The following CCBE1 variants were observed in gnomAD, a reference collection of about 807,000 sequenced individuals.
CCBE1 encodes the protein collagen and calcium binding EGF domains 1, also known as collagen and calcium-binding EGF domain-containing protein 1.
CCBE1 carries 37 observed loss-of-function variants against 50.0 expected under a neutral mutation model. That is an observed-to-expected ratio of 0.74 (90% CI 0.57 to 0.97). The LOEUF is 0.97. CCBE1 is among the 50% of genes least tolerant of loss of function. The pLI, the probability that CCBE1 is intolerant of heterozygous loss-of-function variation, is 0.00. For synonymous variants in CCBE1, 234 were observed against 203.7 expected (o/e 1.15, Z -1.27); for missense variants, 538 against 523.8 (o/e 1.03, Z -0.26).
intron 2 of CCBE1, among the ~76,000 whole-genome samples, chr18:59,549,244 G>C (rs1265933576): frequency 1.3e-5 from 2 of 152,132 alleles, no homozygotes; most frequent in African/African-American, 2.4e-5. Flanking sequence ...AAATATAGCA[G>C]TGTTCTAGAA....
At chr18:59,499,941 G>C (rs1185856811) in intron 2 of CCBE1, among the ~76,000 whole-genome samples, 2 of 152,154 alleles carry the variant, frequency 1.3e-5, no homozygotes, top group East Asian at 3.9e-4. Context: ...ATCTTCCTAG[G>C]GATTGGAGTT....
At chr18:59,543,539 CGAGAGGCCCCGAGAGGCCGG>C (rs1915551674) in intron 2 of CCBE1, among the ~76,000 whole-genome samples, 1 of 151,960 alleles carries the variant, frequency 6.6e-6, no homozygotes, top group Non-Finnish European at 1.5e-5. Context: ...CGAGAGGCCG[CGAGAGGCCCCGAGAGGCCGG>C]GCGCGGTGGC....
intron 4 of CCBE1, among the ~76,000 whole-genome samples, chr18:59,469,119 C>A (rs1363561520): frequency 1.3e-5 from 2 of 152,148 alleles, no homozygotes; most frequent in African/African-American, 4.8e-5. Flanking sequence ...CTTTTTTCCC[C>A]AACCATCTTC....
intron 2 of CCBE1, among the ~76,000 whole-genome samples, chr18:59,654,797 A>G (rs531183282): frequency 6.6e-6 from 1 of 151,278 alleles, no homozygotes; most frequent in East Asian, 2.0e-4. Flanking sequence ...TCTCCAAAAA[A>G]AAAAAAAAAA....
chr18:59,543,677 T>C (rs1163639918), intron 2 of CCBE1, among the ~76,000 whole-genome samples: 1 of 151,796 alleles, frequency 6.6e-6, no homozygotes, highest in Non-Finnish European at 1.5e-5. Flanking sequence ...CTACTAAAAA[T>C]ACAGAAAATT....
At chr18:59,623,937 G>T (rs1454130124) in intron 2 of CCBE1, among the ~76,000 whole-genome samples, 1 of 152,208 alleles carries the variant, frequency 6.6e-6, no homozygotes, top group African/African-American at 2.4e-5. Context: ...GAATTGTGTG[G>T]TTTTTATTAA....
Position 59,446,504 on chromosome 18 carries a change from C to A in CCBE1, c.775+1479G>T, listed in dbSNP as rs80142627. Among the ~76,000 whole-genome samples the A allele has an allele frequency of 3.2e-3, 491 of 152,288 alleles. 1 individual carries two copies. The highest frequency in any genetic ancestry group is 0.011 in the African/African-American group (469 of 41,556). On this transcript the variant is annotated intron_variant, in intron 7 of 10. Transcript: ENST00000439986. ...GAGTACCTCAGGCCAAGGGAATGAA[C>A]GAGGATAAGCCAAATCCTGAATCGT...
At chr18:59,625,323 C>T (rs942328345) in intron 2 of CCBE1, among the ~76,000 whole-genome samples, 9 of 149,754 alleles carry the variant, frequency 6.0e-5, no homozygotes, top group Admixed American at 4.0e-4. Flanking sequence ...CCCAGCTACT[C>T]GGGAGGCTGA....
chr18:59,522,716 G>A (rs536342053), intron 2 of CCBE1, among the ~76,000 whole-genome samples: 13 of 152,232 alleles, frequency 8.5e-5, no homozygotes, highest in East Asian at 1.9e-4. Context: ...TTGGCCGGGC[G>A]CAGTGGCTCA....
intron 2 of CCBE1, among the ~76,000 whole-genome samples, chr18:59,508,188 G>A (rs958077915): frequency 2.7e-5 from 4 of 149,930 alleles, no homozygotes; most frequent in Admixed American, 6.7e-5. Flanking sequence ...ACTGCGCCCC[G>A]CCGTTAATTA....
chr18:59,579,411 AAAAG>A (rs1215231258), intron 2 of CCBE1, among the ~76,000 whole-genome samples: 3 of 152,016 alleles, frequency 2.0e-5, no homozygotes, highest in Admixed American at 6.6e-5. Context: ...AAAAAAAAAA[AAAAG>A]ATTCCTACGT....
chr18:59,519,748 T>A (rs932388797), intron 2 of CCBE1, among the ~76,000 whole-genome samples: 1 of 152,252 alleles, frequency 6.6e-6, no homozygotes, highest in Non-Finnish European at 1.5e-5. Flanking sequence ...TATTTGCCCA[T>A]GCCTATGTTC....
intron 2 of CCBE1, among the ~76,000 whole-genome samples, chr18:59,632,972 A>AAG (rs940013397): frequency 1.2e-4 from 19 of 152,238 alleles, no homozygotes; most frequent in African/African-American, 4.6e-4. Flanking sequence ...CACAAGGGAC[A>AAG]AGTCAGGCAT....
chr18:59,468,659 T>C lies in CCBE1; in HGVS notation c.400+814A>G, dbSNP rs922322086. ...CCCTGCTAGGATAGAGAAAGAGGGA[T>C]GCTCATGACAGCTGGTTTATCTTCC... On this transcript the variant is annotated intron_variant, in intron 4 of 10. Coordinates refer to ENST00000439986, the MANE Select transcript of CCBE1 (RefSeq NM_133459.4). Among the ~76,000 whole-genome samples, 12 of 152,300 alleles carry C rather than the reference T, an allele frequency of 7.9e-5. No individual in the cohort carries two copies. The East Asian group carries it at 1.4e-3, about 17-fold the overall frequency.
intron 2 of CCBE1, among the ~76,000 whole-genome samples, chr18:59,589,115 T>C (rs1185486529): frequency 1.3e-5 from 2 of 152,120 alleles, no homozygotes; most frequent in Admixed American, 6.5e-5. Context: ...ACTCAACCCT[T>C]GGGGATCCCT....
At chr18:59,473,361 T>G (rs554044036) in intron 3 of CCBE1, among the ~76,000 whole-genome samples, 1 of 152,284 alleles carries the variant, frequency 6.6e-6, no homozygotes, top group Non-Finnish European at 1.5e-5. Flanking sequence ...CTTGAGCTTT[T>G]GTATGAATCA....
chr18:59,638,683 A>G (rs981314205), intron 2 of CCBE1, among the ~76,000 whole-genome samples: 6 of 152,216 alleles, frequency 3.9e-5, no homozygotes, highest in African/African-American at 7.2e-5. Flanking sequence ...AAAACAATCC[A>G]CAAGTTATCA....
chr18:59,505,132 C>T (rs1171924691), intron 2 of CCBE1, among the ~76,000 whole-genome samples: 1 of 152,134 alleles, frequency 6.6e-6, no homozygotes, highest in East Asian at 1.9e-4. Context: ...TGATAAATAT[C>T]TTGATAACAT....
At chr18:59,474,177 G>T (rs1029357223) in intron 3 of CCBE1, among the ~76,000 whole-genome samples, 4 of 152,156 alleles carry the variant, frequency 2.6e-5, no homozygotes, top group African/African-American at 9.7e-5. Context: ...TTGCTATTGT[G>T]AATAGCACGG....
Sources: allele counts gnomAD v4.1 joint callset (sites outside exome capture counted in the v4.1 genomes callset), GRCh38; gene constraint gnomAD v4.1.1; transcripts MANE v1.5; gene names NCBI Gene and HGNC (gene_info 2026-07-23, HGNC 2026-07-21).